Variants in TBCD observed in about 807,000 individuals in gnomAD.
The protein encoded by TBCD is tubulin-specific chaperone D.
A neutral mutation model predicts 169.3 loss-of-function variants in TBCD; 105 were observed. The observed-to-expected ratio is 0.62, with a 90% CI of 0.53 to 0.73. The LOEUF is 0.73. Ranked by LOEUF, TBCD falls within the 30% of genes least tolerant of loss-of-function variation. The probability of loss-of-function intolerance (pLI) is 0.00; values close to 1 mark genes in which losing one functional copy is unlikely to be tolerated. For synonymous variants in TBCD, 700 were observed against 643.9 expected, an observed-to-expected ratio of 1.09 and a Z score of -1.32; for missense variants, 1,444 against 1,600.1, an observed-to-expected ratio of 0.90 and a Z score of 1.66.
Position 82,884,162 on chromosome 17 carries a change from C to T in TBCD, c.1493C>T (p.Ala498Val), listed in dbSNP as rs574660684. 2.9e-5 allele frequency: 46 copies of T among 1,610,478 alleles called. No individual in the cohort carries two copies. Among genetic ancestry groups the T allele is most frequent in the Admixed American group, 6.7e-5 (4 of 59,540 alleles). Reference protein sequence around the residue: ...TAISSALVIAAVFDRDINCRR... With the variant: ...TAISSALVIAVVFDRDINCRR... Reference sequence around the variant, plus strand: ...TTTCACAGTGCACTGGTGATTGCTGCGGTGTTTGACCGAGACATAAACTGC... The same window carrying T: ...TTTCACAGTGCACTGGTGATTGCTGTGGTGTTTGACCGAGACATAAACTGC... Residue 498 changes from alanine to valine, a missense_variant, in exon 15 of 39, where the codon GCG becomes GTG. Ala to Val is a moderately conservative substitution (Grantham distance 64). Transcript: ENST00000355528. The surrounding 1 kb of genome is among the most constrained non-coding windows in gnomAD (Gnocchi z 4.2).
chr17:82,906,093 C>G, intron 20 of TBCD, 40 bp downstream of exon 20: 1 of 1,453,730 alleles, frequency 6.9e-7, no homozygotes, highest in Non-Finnish European at 9.5e-7. Flanking sequence ...GGGCTCTGTC[C>G]CTGATCCCCT....
At chr17:82,862,856 G>A (rs1036165194) in intron 13 of TBCD, among the ~76,000 whole-genome samples, 6 of 152,216 alleles carry the variant, frequency 3.9e-5, no homozygotes, top group Non-Finnish European at 8.8e-5. Flanking sequence ...ATTCCGTTAA[G>A]TAGGGCCAGG....
chr17:82,830,310 G>T (rs1217991344), intron 13 of TBCD: 1 of 1,614,098 alleles, frequency 6.2e-7, no homozygotes, highest in Non-Finnish European at 8.5e-7. Flanking sequence ...AGCTCAGTGT[G>T]GGTGTGTCTT....
At chr17:82,847,103 G>A (rs1027894139) in intron 13 of TBCD, among the ~76,000 whole-genome samples, 22 of 152,114 alleles carry the variant, frequency 1.4e-4, no homozygotes, top group Admixed American at 1.4e-3. Flanking sequence ...TGTAATCCCA[G>A]CACTTTGGGA....
At chr17:82,883,893 G>A (rs958688381) in intron 14 of TBCD, among the ~76,000 whole-genome samples, 1 of 152,122 alleles carries the variant, frequency 6.6e-6, no homozygotes, top group Non-Finnish European at 1.5e-5. Context: ...CTGTGCCCTC[G>A]GTGTGCACCG....
At chr17:82,919,044 CGTT>C (rs1381626134) in intron 23 of TBCD, among the ~76,000 whole-genome samples, 11 of 152,152 alleles carry the variant, frequency 7.2e-5, no homozygotes, top group Non-Finnish European at 1.6e-4. Context: ...TTTTAGGAGA[CGTT>C]GTAGGACAGT....
chr17:82,803,169 C>T (rs974497400), intron 9 of TBCD, among the ~76,000 whole-genome samples: 22 of 152,208 alleles, frequency 1.4e-4, no homozygotes, highest in African/African-American at 5.1e-4. Context: ...GTTCATCCCA[C>T]TCCTCCTGCC....
rs778246077 is a variant in TBCD, at chr17:82,890,551, G to A, written c.1563+854G>A. Among the ~76,000 whole-genome samples, 11 of 152,202 alleles carry A rather than the reference G, an allele frequency of 7.2e-5. No individual in the cohort carries two copies. The highest frequency in any genetic ancestry group is 1.3e-4 in the Non-Finnish European group (9 of 68,046). ...GCCAAATGAGTCCACAGGAAAAGCC[G>A]GATGCCAGAGTCAGCTGGAGAGGCG... On this transcript the variant is annotated intron_variant, in intron 16 of 38. Coordinates refer to ENST00000355528, the MANE Select transcript of TBCD (RefSeq NM_005993.5). This position sits in a 1 kb window ranked among gnomAD's most constrained non-coding sequence, Gnocchi z 5.3.
chr17:82,928,482 C>CT (rs1385451725), intron 30 of TBCD, among the ~76,000 whole-genome samples: 2 of 152,032 alleles, frequency 1.3e-5, no homozygotes, highest in Non-Finnish European at 2.9e-5. Context: ...CTGTCGGTCT[C>CT]TCTGTCGGGG....
At chr17:82,879,807 A>C (rs1482148177) in intron 14 of TBCD, among the ~76,000 whole-genome samples, 1 of 152,032 alleles carries the variant, frequency 6.6e-6, no homozygotes, top group African/African-American at 2.4e-5. Flanking sequence ...TGTCTTATAA[A>C]CGGAAATAAT....
At chr17:82,891,907 GC>G (rs2059167224) in intron 16 of TBCD, among the ~76,000 whole-genome samples, 1 of 152,172 alleles carries the variant, frequency 6.6e-6, no homozygotes, top group African/African-American at 2.4e-5. Context: ...TAACCCATGG[GC>G]AGCTTCCACG....
intron 14 of TBCD, among the ~76,000 whole-genome samples, chr17:82,870,788 C>T (rs2057502790): frequency 2.0e-5 from 3 of 152,336 alleles, no homozygotes; most frequent in Middle Eastern, 6.8e-3. Context: ...TCCCTGCGGT[C>T]GTGGGTCTTG....
At position 82,832,401 on chromosome 17, in the gene TBCD, A is replaced by G; in HGVS notation, c.1318+17467A>G. 2 of 1,614,118 alleles carry G rather than the reference A, an allele frequency of 1.2e-6. No individual in the cohort carries two copies. The highest frequency in any genetic ancestry group is 1.7e-6 in the Non-Finnish European group (2 of 1,180,036). On this transcript the variant is annotated intron_variant, in intron 13 of 38. Transcript: ENST00000355528. This position sits in a 1 kb window ranked among gnomAD's most constrained non-coding sequence, Gnocchi z 4.9. Reference sequence around the variant, plus strand: ...ATTTATACTTGAAGGGCTTTCCTGGAGGCCTGGGGATGTAATGTGGCTTTT... The same window carrying G: ...ATTTATACTTGAAGGGCTTTCCTGGGGGCCTGGGGATGTAATGTGGCTTTT...
At chr17:82,887,168 T>TGTGTGCGCGCGCGCGCGCGC in intron 15 of TBCD, among the ~76,000 whole-genome samples, 11 of 126,100 alleles carry the variant, frequency 8.7e-5, no homozygotes, top group South Asian at 5.9e-4. Flanking sequence ...TGTGTGTGTG[T>TGTGTGCGCGCGCGCGCGCGC]GCGCGCGCGC....
rs944557358 is a variant in TBCD at position 82,903,698 on chromosome 17, C to G, written c.1804+220C>G. On this transcript the variant is annotated intron_variant, in intron 19 of 38. Transcript: ENST00000355528. This position sits in a 1 kb window ranked among gnomAD's most constrained non-coding sequence, Gnocchi z 4.8. ...GGCAGGGAGCCGCTGAACTGTGTTA[C>G]GTACACCGGAGCCCGTGATGGTCCC... Among the ~76,000 whole-genome samples the G allele has an allele frequency of 6.6e-6, 1 of 152,230 alleles. No homozygotes were observed. Among genetic ancestry groups the G allele is most frequent in the Non-Finnish European group, 1.5e-5 (1 of 68,038 alleles).
At chr17:82,753,195 G>T (rs148908999) in intron 1 of TBCD, among the ~76,000 whole-genome samples, 1 of 152,134 alleles carries the variant, frequency 6.6e-6, no homozygotes, top group South Asian at 2.1e-4. Flanking sequence ...GAATGACAGC[G>T]CTTTGATTTT....
rs548213550 is a variant in TBCD, at chr17:82,921,563, C to T, written c.2164C>T (p.Arg722Cys). 2.0e-5 allele frequency: 33 copies of T among 1,613,994 alleles called. No individual in the cohort carries two copies. In the South Asian group the frequency reaches 2.4e-4, roughly 12 times the overall value. The change falls in exon 25 of 39, where the codon CGC (arginine) becomes TGC (cysteine). Residue 722 changes from arginine (R) to cysteine (C), a missense_variant. By Grantham distance (180) the Arg-to-Cys change is radical. Transcript: ENST00000355528. ...RHLHLISSHSRQQMKDAAVSA... is the reference protein window; with the variant it reads ...RHLHLISSHSCQQMKDAAVSA... ...TCTCCATCTCATCTCAAGTCACTCC[C>T]GCCAGCAGATGAAGGTACAGTGAGC...
chr17:82,891,172 C>G lies in TBCD; in HGVS notation c.1563+1475C>G, dbSNP rs55857502. Among the ~76,000 whole-genome samples the G allele has an allele frequency of 8.0e-3, 1,215 of 152,362 alleles. 11 individuals are homozygous for G. The highest frequency in any genetic ancestry group is 0.027 in the African/African-American group (1,117 of 41,584). ...CAGTCGCATAGGGAGCCACGGGGCC[C>G]TGCAGCTGAGCTGACCAGCCTCCCT... is the stretch of plus-strand genomic sequence containing the variant. On this transcript the variant is annotated intron_variant, in intron 16 of 38. Coordinates refer to ENST00000355528, the MANE Select transcript of TBCD (RefSeq NM_005993.5).
chr17:82,781,247 G>A (rs891838028), intron 6 of TBCD, among the ~76,000 whole-genome samples: 3 of 149,058 alleles, frequency 2.0e-5, no homozygotes, highest in African/African-American at 7.4e-5. Flanking sequence ...GGAGGGAGGG[G>A]CTGAGAAGTG....
Sources: gnomAD v4.1 joint callset for allele counts (sites outside exome capture counted in the v4.1 genomes callset) on GRCh38, gnomAD v4.1.1 for gene constraint, Gnocchi (gnomAD v3.1) non-coding constraint, MANE v1.5 for transcripts, NCBI Gene and HGNC (gene_info 2026-07-23, HGNC 2026-07-21) for gene names.